Variants in PGAP2 observed in about 807,000 individuals in gnomAD.
PGAP2 encodes the protein acyltransferase PGAP2.
Under a neutral mutation model 33.2 loss-of-function variants are expected in PGAP2, and 21 were observed. That is an observed-to-expected ratio of 0.63 (90% CI 0.45 to 0.91). The LOEUF is 0.91. Ranked by LOEUF, PGAP2 falls within the 40% of genes least tolerant of loss-of-function variation. The probability of loss-of-function intolerance (pLI) is 0.00; values close to 1 mark genes in which losing one functional copy is unlikely to be tolerated. For synonymous variants in PGAP2, 161 were observed against 172.9 expected (o/e 0.93, Z 0.54); for missense variants, 345 against 424.0 (o/e 0.81, Z 1.64).
At chr11:3,813,583 C>G (rs754321926) in intron 2 of PGAP2, among the ~76,000 whole-genome samples, 1 of 152,150 alleles carries the variant, frequency 6.6e-6, no homozygotes, top group African/African-American at 2.4e-5. Context: ...CGGGGTCTCA[C>G]ACTGTTGCCC....
At chr11:3,824,514 TG>T in intron 5 of PGAP2, 138 bp downstream of exon 5, 1 of 1,311,348 alleles carries the variant, frequency 7.6e-7, no homozygotes, top group Non-Finnish European at 1.1e-6. Context: ...GGGTTGGGGC[TG>T]GGGCTTGGGA....
chr11:3,801,135 C>CAAA (rs34122688), intron 1 of PGAP2, among the ~76,000 whole-genome samples: 1 of 147,052 alleles, frequency 6.8e-6, no homozygotes, highest in East Asian at 2.0e-4. Flanking sequence ...AGTCTGTCTT[C>CAAA]AAAAAAAAAA....
rs2089904695 is a variant in PGAP2 at position 3,825,662 on chromosome 11, A to C, written c.*204A>C. Reference sequence around the variant, plus strand: ...TCATATGGGCGTGGGGTCCTCAAACATCACCTTTACCTGAGAGGCCCCAAG... The same window carrying C: ...TCATATGGGCGTGGGGTCCTCAAACCTCACCTTTACCTGAGAGGCCCCAAG... On this transcript the variant is annotated 3_prime_UTR_variant, in exon 7 of 7. Coordinates refer to ENST00000278243, the MANE Select transcript of PGAP2 (RefSeq NM_014489.4). 4.4e-6 allele frequency: 2 copies of C among 451,076 alleles called. No homozygotes were observed. Among genetic ancestry groups the C allele is most frequent in the Non-Finnish European group, 4.0e-6 (1 of 252,764 alleles). 27.9% of individuals were successfully genotyped at this position (451,076 alleles called of 1,614,324 possible).
chr11:3,817,132 G>A lies in PGAP2; in HGVS notation c.166-221G>A, dbSNP rs7121408. ...GTGGACCTAGAGTATCACTGTGCCA[G>A]GGGGATTCCTAAGCTCTGACCCTGC... is the stretch of plus-strand genomic sequence containing the variant. On this transcript the variant is annotated intron_variant, in intron 2 of 6. Coordinates refer to ENST00000278243, the MANE Select transcript of PGAP2 (RefSeq NM_014489.4). Among the ~76,000 whole-genome samples the A allele has an allele frequency of 0.054, 8,171 of 152,172 alleles. 741 individuals are homozygous for A. Among genetic ancestry groups the A allele is most frequent in the African/African-American group, 0.19 (7,740 of 41,508 alleles).
At position 3,817,429 on chromosome 11, in the gene PGAP2, C is replaced by G. The variant is rs1465441455; in HGVS notation, c.242C>G (p.Thr81Arg). ...GGGACCTTGTTCCGGCTTCGCTTCACAGCCATGGTCTGGTGGGCCATCACT... is the reference window on the plus strand; with the variant it reads ...GGGACCTTGTTCCGGCTTCGCTTCAGAGCCATGGTCTGGTGGGCCATCACT... ...PDGTLFRLRF[T>R]AMVWWAITFP... The change falls in exon 3 of 7, where the codon ACA becomes AGA. Residue 81 changes from threonine (T) to arginine (R), a missense_variant. Around this residue, in one of 2 missense-constraint regions of PGAP2, gnomAD observed 311 missense variants for 353.6 expected, o/e 0.88. Transcript: ENST00000278243. 11 of 1,614,138 alleles carry G rather than the reference C, an allele frequency of 6.8e-6. No individual in the cohort carries two copies. The highest frequency in any genetic ancestry group is 8.5e-6 in the Non-Finnish European group (10 of 1,180,006).
chr11:3,803,417 G>A (rs1211817766), intron 1 of PGAP2, among the ~76,000 whole-genome samples: 10 of 149,976 alleles, frequency 6.7e-5, no homozygotes, highest in African/African-American at 2.0e-4. Context: ...GTGAGCCACC[G>A]CACCCGGCCA....
At chr11:3,808,543 C>A, upstream of PGAP2, 1 of 1,396,298 alleles carries the variant, frequency 7.2e-7, no homozygotes, top group Non-Finnish European at 9.3e-7. Flanking sequence ...CCCGAGAGCG[C>A]CGGCCCCGCC....
chr11:3,813,376 C>G (rs766003338), intron 2 of PGAP2, among the ~76,000 whole-genome samples: 4 of 150,102 alleles, frequency 2.7e-5, no homozygotes, highest in Non-Finnish European at 6.0e-5. Context: ...GCCACTACAC[C>G]CAGCTTAATT....
chr11:3,818,062 TA>T lies in PGAP2; in HGVS notation c.348+540del, dbSNP rs112928434. 1,533 of 212,162 alleles carry T rather than the reference TA, an allele frequency of 7.2e-3. 8 individuals are homozygous for T. Among genetic ancestry groups the T allele is most frequent in the African/African-American group, 0.027 (1,069 of 39,564 alleles). 13.1% of individuals were successfully genotyped at this position (212,162 alleles called of 1,614,324 possible). On this transcript the variant is annotated intron_variant, in intron 3 of 6. Transcript: ENST00000278243. ...ACCCTGTCTCAAAAACAAAACAAAA[TA>T]AAAAAAAAAAAACAGCAGGCTGTGC...
chr11:3,808,468 G>A (rs758328644), upstream of PGAP2: 1 of 1,470,440 alleles, frequency 6.8e-7, no homozygotes, highest in Non-Finnish European at 9.0e-7. Context: ...GCCAGGGGTC[G>A]GGGTCTCCAG....
At chr11:3,801,473 T>C (rs185347171) in intron 1 of PGAP2, among the ~76,000 whole-genome samples, 83 of 151,402 alleles carry the variant, frequency 5.5e-4, no homozygotes, top group African/African-American at 1.9e-3. Flanking sequence ...AAACCCCGTC[T>C]GTACTAAAAA....
At chr11:3,815,021 T>G (rs551872836) in intron 2 of PGAP2, among the ~76,000 whole-genome samples, 4 of 151,656 alleles carry the variant, frequency 2.6e-5, no homozygotes, top group Non-Finnish European at 5.9e-5. Flanking sequence ...CACTGCGACC[T>G]CTGCCTCCTG....
At chr11:3,800,846 T>C (rs1300467627) in intron 1 of PGAP2, among the ~76,000 whole-genome samples, 1 of 143,630 alleles carries the variant, frequency 7.0e-6, no homozygotes, top group Admixed American at 7.1e-5. Flanking sequence ...TTTAGGCAAA[T>C]TTCCTGCCGG....
Position 3,825,710 on chromosome 11 carries a change from C to A in PGAP2, c.*252C>A. On this transcript the variant is annotated 3_prime_UTR_variant, in exon 7 of 7. Transcript: ENST00000278243. ...AAGAAGCTGAGCTGGCAGAGAGCTC[C>A]ACCATTTGGTGCTAAAAAAAAAAAC... 2 of 291,388 alleles carry A rather than the reference C, an allele frequency of 6.9e-6. No individual in the cohort carries two copies. Among genetic ancestry groups the A allele is most frequent in the Non-Finnish European group, 1.3e-5 (2 of 157,844 alleles). 18.1% of individuals were successfully genotyped at this position (291,388 alleles called of 1,614,324 possible).
chr11:3,800,256 T>C (rs979789597), intron 1 of PGAP2, among the ~76,000 whole-genome samples: 4 of 152,208 alleles, frequency 2.6e-5, no homozygotes, highest in Admixed American at 2.0e-4. Flanking sequence ...CTGGAACATT[T>C]GATTTCTTGC....
intron 2 of PGAP2, among the ~76,000 whole-genome samples, chr11:3,812,074 A>T (rs1420799217): frequency 6.6e-6 from 1 of 151,896 alleles, no homozygotes; most frequent in African/African-American, 2.4e-5. Context: ...GGCCTCTAAG[A>T]TTCCATAGAT....
intron 5 of PGAP2, 134 bp downstream of exon 5, chr11:3,824,510 G>A (rs79101488): frequency 1.5e-6 from 2 of 1,378,046 alleles, no homozygotes; most frequent in South Asian, 2.5e-5. Flanking sequence ...GCTGGGGTTG[G>A]GGCTGGGGCT....
chr11:3,805,932 A>C (rs1023833322), upstream of PGAP2, among the ~76,000 whole-genome samples: 3 of 149,698 alleles, frequency 2.0e-5, no homozygotes, highest in African/African-American at 7.4e-5. Context: ...TGATCCGCCC[A>C]CCTTGGCCTC....
At chr11:3,814,540 A>C (rs1041171409) in intron 2 of PGAP2, among the ~76,000 whole-genome samples, 2 of 151,482 alleles carry the variant, frequency 1.3e-5, no homozygotes, top group Non-Finnish European at 2.9e-5. Context: ...TAAAGGCGTG[A>C]GCCACCATGC....
Sources: allele counts gnomAD v4.1 joint callset (sites outside exome capture counted in the v4.1 genomes callset), GRCh38; gene constraint gnomAD v4.1.1; regional missense constraint gnomAD v4.1.1; transcripts MANE v1.5; gene names NCBI Gene and HGNC (gene_info 2026-07-23, HGNC 2026-07-21).